The following ATP8A1 variants were observed in gnomAD, a reference collection of about 807,000 sequenced individuals.
ATP8A1 encodes phospholipid-transporting ATPase IA.
ATP8A1 carries 90 observed loss-of-function variants against 177.7 expected under a neutral mutation model. The ratio of observed to expected loss-of-function variants is 0.51; its 90% CI spans 0.43 to 0.60. The LOEUF is 0.60. Ranked by LOEUF, ATP8A1 falls within the 20% of genes least tolerant of loss-of-function variation. The probability of loss-of-function intolerance (pLI) is 0.00; values close to 1 mark genes in which losing one functional copy is unlikely to be tolerated. For synonymous variants in ATP8A1, 493 were observed against 485.9 expected (o/e 1.01, Z -0.19); for missense variants, 1,072 against 1,392.8 (o/e 0.77, Z 3.67).
At chr4:42,434,103 A>G (rs1488736437) in intron 33 of ATP8A1, among the ~76,000 whole-genome samples, 2 of 152,172 alleles carry the variant, frequency 1.3e-5, no homozygotes, top group Non-Finnish European at 2.9e-5. Context: ...TAAAAACATA[A>G]TTCGTTTTAT....
chr4:42,422,418 T>C (rs1038209849), intron 35 of ATP8A1, among the ~76,000 whole-genome samples: 5 of 152,220 alleles, frequency 3.3e-5, no homozygotes, highest in African/African-American at 1.2e-4. Flanking sequence ...ATGGATACTA[T>C]TTCAAGCTAA....
intron 22 of ATP8A1, among the ~76,000 whole-genome samples, chr4:42,517,064 G>T (rs1725617517): frequency 6.6e-6 from 1 of 151,870 alleles, no homozygotes; most frequent in African/African-American, 2.4e-5. Context: ...ACTTTGGGAG[G>T]CCAAGGGGGG....
intron 20 of ATP8A1, among the ~76,000 whole-genome samples, chr4:42,535,637 T>C (rs1449080797): frequency 6.6e-6 from 1 of 152,194 alleles, no homozygotes; most frequent in Non-Finnish European, 1.5e-5. Context: ...TACAGAACAT[T>C]GTACCCAACA....
intron 1 of ATP8A1, among the ~76,000 whole-genome samples, chr4:42,652,756 T>A (rs1393649323): frequency 6.6e-6 from 1 of 152,230 alleles, no homozygotes; most frequent in Non-Finnish European, 1.5e-5. Flanking sequence ...GCAGTTCCCC[T>A]GCACACGCTC....
chr4:42,464,750 G>C lies in ATP8A1; in HGVS notation c.2559C>G (p.Asn853Lys). 1 of 1,613,750 alleles carries C rather than the reference G, an allele frequency of 6.2e-7. No individual in the cohort carries two copies. The highest frequency in any genetic ancestry group is 8.5e-7 in the Non-Finnish European group (1 of 1,179,684). The change falls in exon 27 of 37, where the codon AAC (asparagine) becomes AAG (lysine). Residue 853 changes from asparagine to lysine, a missense_variant. Physicochemically the swap from Asn to Lys is moderately conservative, Grantham distance 94. This residue lies in a region of ATP8A1 where 316 missense variants were observed against 459.1 expected (regional missense o/e 0.69). Coordinates refer to ENST00000381668, the MANE Select transcript of ATP8A1 (RefSeq NM_006095.2). ...AGTATAAGATGCACTTGGAGACTCT[G>C]TTATAGTTCCAGGCACCATGAATCA... is the stretch of plus-strand genomic sequence containing the variant. Reference protein sequence around the residue: ...LLMIHGAWNYNRVSKCILYCF... With the variant: ...LLMIHGAWNYKRVSKCILYCF...
intron 35 of ATP8A1, among the ~76,000 whole-genome samples, chr4:42,421,425 A>C (rs561728594): frequency 2.2e-4 from 33 of 152,184 alleles, no homozygotes; most frequent in Non-Finnish European, 4.4e-4. Context: ...CAGATCTGTC[A>C]CTAACAACTT....
Position 42,609,827 on chromosome 4 carries a change from C to A in ATP8A1, c.409+6206G>T, listed in dbSNP as rs987541566. 2.0e-5 allele frequency among the ~76,000 whole-genome samples: 3 copies of A among 152,106 alleles called. No homozygotes were observed. In the South Asian group the frequency reaches 6.2e-4, roughly 32 times the overall value. On this transcript the variant is annotated intron_variant, in intron 5 of 36. Coordinates refer to ENST00000381668, the MANE Select transcript of ATP8A1 (RefSeq NM_006095.2). ...CAGCTGTCAAATTCTTTCAAAAGCACAAGTGGAAGCCTATCCATACTTTTC... is the reference window on the plus strand; with the variant it reads ...CAGCTGTCAAATTCTTTCAAAAGCAAAAGTGGAAGCCTATCCATACTTTTC...
At chr4:42,637,361 T>C (rs1739501082) in intron 1 of ATP8A1, among the ~76,000 whole-genome samples, 5 of 152,220 alleles carry the variant, frequency 3.3e-5, no homozygotes, top group Admixed American at 2.6e-4. Flanking sequence ...ACTTGCACAA[T>C]AGCCAAACGG....
Position 42,586,969 on chromosome 4 carries a change from T to C in ATP8A1, c.595-493A>G, listed in dbSNP as rs75745571. The stretch of plus-strand genomic sequence containing the variant: ...TCACTGAGCAGGGCCCCTCACACAG[T>C]GGCAGTCTGGGTCCAGGCCCTCTGT... On this transcript the variant is annotated intron_variant, in intron 8 of 36. Coordinates refer to ENST00000381668, the MANE Select transcript of ATP8A1 (RefSeq NM_006095.2). 5.0e-3 allele frequency among the ~76,000 whole-genome samples: 757 copies of C among 152,290 alleles called. 8 individuals carry two copies. The highest frequency in any genetic ancestry group is 0.016 in the African/African-American group (647 of 41,560).
chr4:42,592,419 A>G (rs1194967134), intron 6 of ATP8A1, among the ~76,000 whole-genome samples: 1 of 152,276 alleles, frequency 6.6e-6, no homozygotes, highest in East Asian at 1.9e-4. Context: ...GAAAATTTCC[A>G]ACTTAAAATT....
chr4:42,619,549 T>C, intron 4 of ATP8A1, among the ~76,000 whole-genome samples: 1 of 151,724 alleles, frequency 6.6e-6, no homozygotes, highest in South Asian at 2.1e-4. Context: ...GCACTGGGGG[T>C]GGATAAGTCT....
chr4:42,553,009 T>C (rs1560451026), intron 16 of ATP8A1, among the ~76,000 whole-genome samples: 1 of 152,002 alleles, frequency 6.6e-6, no homozygotes, highest in African/African-American at 2.4e-5. Flanking sequence ...ACAAACAAGA[T>C]AAACAAACAA....
intron 27 of ATP8A1, among the ~76,000 whole-genome samples, chr4:42,460,337 G>A (rs1718976312): frequency 6.8e-6 from 1 of 147,146 alleles, no homozygotes; most frequent in Admixed American, 6.8e-5. Context: ...ACTTCTCAGA[G>A]TAAAGGATAG....
At chr4:42,573,749 C>T (rs1732140456) in intron 14 of ATP8A1, among the ~76,000 whole-genome samples, 1 of 152,166 alleles carries the variant, frequency 6.6e-6, no homozygotes, top group Non-Finnish European at 1.5e-5. Context: ...AAATGTAACA[C>T]TCTTTGTCAC....
chr4:42,537,147 C>CA (rs375397881), intron 20 of ATP8A1, among the ~76,000 whole-genome samples: 15,655 of 125,864 alleles, frequency 0.12, 979 homozygotes, highest in Middle Eastern at 0.21. Flanking sequence ...AAAAAAAAAA[C>CA]AAAAAAACCA....
intron 1 of ATP8A1, among the ~76,000 whole-genome samples, chr4:42,649,865 T>C (rs1005614148): frequency 3.3e-5 from 5 of 152,222 alleles, no homozygotes; most frequent in Admixed American, 2.6e-4. Flanking sequence ...CAATGCCTAC[T>C]ATGTGCCAGG....
At chr4:42,654,573 T>G (rs1181756817) in intron 1 of ATP8A1, among the ~76,000 whole-genome samples, 1 of 152,212 alleles carries the variant, frequency 6.6e-6, no homozygotes, top group African/African-American at 2.4e-5. Flanking sequence ...TTCTGCTTTC[T>G]TCTATCAGCA....
chr4:42,549,991 T>C (rs1403718194), intron 18 of ATP8A1, among the ~76,000 whole-genome samples: 1 of 152,160 alleles, frequency 6.6e-6, no homozygotes, highest in African/African-American at 2.4e-5. Context: ...CAGAGTCAAA[T>C]GAAAATTGTG....
intron 4 of ATP8A1, among the ~76,000 whole-genome samples, chr4:42,623,722 G>T (rs949741163): frequency 6.6e-6 from 1 of 152,042 alleles, no homozygotes; most frequent in Non-Finnish European, 1.5e-5. Flanking sequence ...GGAGGGAGAG[G>T]ATCAGGAAAA....
Sources: allele counts gnomAD v4.1 joint callset (sites outside exome capture counted in the v4.1 genomes callset), GRCh38; gene constraint gnomAD v4.1.1; regional missense constraint gnomAD v4.1.1; transcripts MANE v1.5; gene names NCBI Gene and HGNC (gene_info 2026-07-23, HGNC 2026-07-21).